The following DGKB variants were observed in gnomAD, a reference collection of about 807,000 sequenced individuals.
DGKB encodes the protein 90 kDa diacylglycerol kinase.
In DGKB, 67 loss-of-function variants were observed where a neutral mutation model predicts 114.3. The ratio of observed to expected loss-of-function variants is 0.59; its 90% CI spans 0.48 to 0.72. The LOEUF is 0.72. Ranked by LOEUF, DGKB falls within the 30% of genes least tolerant of loss-of-function variation. The pLI is 0.00. For synonymous variants in DGKB, 398 were observed against 323.1 expected, an observed-to-expected ratio of 1.23 and a Z score of -2.49; for missense variants, 907 against 975.2, an observed-to-expected ratio of 0.93 and a Z score of 0.93.
At chr7:14,484,334 C>G (rs956901452) in intron 20 of DGKB, among the ~76,000 whole-genome samples, 4 of 150,288 alleles carry the variant, frequency 2.7e-5, no homozygotes, top group African/African-American at 9.8e-5. Context: ...ATGTTTTCCC[C>G]TCTGAACATC....
chr7:14,319,053 T>C (rs918338889), intron 23 of DGKB, among the ~76,000 whole-genome samples: 28 of 148,418 alleles, frequency 1.9e-4, no homozygotes, highest in African/African-American at 7.0e-4. Context: ...AACCAAACAC[T>C]GCATATGCTC....
chr7:14,417,691 T>C (rs1005872103), intron 21 of DGKB, among the ~76,000 whole-genome samples: 1 of 144,478 alleles, frequency 6.9e-6, no homozygotes, highest in African/African-American at 2.4e-5. Context: ...TTGCTTCTGG[T>C]GATTTTTTAC....
At chr7:14,536,893 C>T (rs762454373) in intron 20 of DGKB, among the ~76,000 whole-genome samples, 42 of 151,658 alleles carry the variant, frequency 2.8e-4, no homozygotes, top group Non-Finnish European at 4.6e-4. Flanking sequence ...AAAATAATAT[C>T]TGTTTGCTGG....
At chr7:14,645,080 C>T (rs1308067389) in intron 13 of DGKB, among the ~76,000 whole-genome samples, 3 of 152,108 alleles carry the variant, frequency 2.0e-5, no homozygotes, top group African/African-American at 4.8e-5. Flanking sequence ...CTGAATGATG[C>T]CTTTTAACTA....
chr7:14,223,948 G>A (rs1003115834), intron 23 of DGKB, among the ~76,000 whole-genome samples: 1 of 151,140 alleles, frequency 6.6e-6, no homozygotes, highest in Admixed American at 6.6e-5. Flanking sequence ...TCTTTTTCCA[G>A]GTCCTTTTTT....
intron 20 of DGKB, among the ~76,000 whole-genome samples, chr7:14,526,203 G>A (rs531106231): frequency 6.6e-6 from 1 of 152,020 alleles, no homozygotes; most frequent in South Asian, 2.1e-4. Context: ...TTTAAATCAG[G>A]TTTTTTAAAA....
intron 23 of DGKB, among the ~76,000 whole-genome samples, chr7:14,254,292 A>G (rs1795650985): frequency 6.6e-6 from 1 of 152,182 alleles, no homozygotes; most frequent in African/African-American, 2.4e-5. Context: ...TCCAACCTCA[A>G]TGAAAGTATT....
intron 23 of DGKB, among the ~76,000 whole-genome samples, chr7:14,313,652 T>C (rs1417132911): frequency 2.0e-5 from 3 of 152,060 alleles, no homozygotes; most frequent in African/African-American, 4.8e-5. Flanking sequence ...GTCTCGCTGA[T>C]TGCTAGCACA....
chr7:14,735,162 A>T (rs1293217384), intron 5 of DGKB, among the ~76,000 whole-genome samples: 1 of 152,184 alleles, frequency 6.6e-6, no homozygotes, highest in African/African-American at 2.4e-5. Context: ...GGCCACGGTG[A>T]TGCACCCTCC....
intron 1 of DGKB, among the ~76,000 whole-genome samples, chr7:14,865,401 G>A (rs1486269993): frequency 6.6e-6 from 1 of 152,088 alleles, no homozygotes; most frequent in African/African-American, 2.4e-5. Flanking sequence ...GCTATTTCTG[G>A]CAGTTGGCTG....
At chr7:14,289,403 G>C (rs935908492) in intron 23 of DGKB, among the ~76,000 whole-genome samples, 1 of 151,992 alleles carries the variant, frequency 6.6e-6, no homozygotes, top group Non-Finnish European at 1.5e-5. Flanking sequence ...TATAATATTG[G>C]CAGTTTCTGA....
At chr7:14,595,943 T>C (rs1306939520) in intron 17 of DGKB, among the ~76,000 whole-genome samples, 1 of 152,130 alleles carries the variant, frequency 6.6e-6, no homozygotes, top group Non-Finnish European at 1.5e-5. Context: ...TTTTTGGTCA[T>C]AGCCAAGCTG....
intron 20 of DGKB, among the ~76,000 whole-genome samples, chr7:14,496,546 C>A (rs1431148738): frequency 6.6e-6 from 1 of 151,674 alleles, no homozygotes; most frequent in African/African-American, 2.4e-5. Flanking sequence ...ATTTATTGAG[C>A]ACCTATTGTA....
chr7:14,184,011 C>T (rs1783020650), intron 23 of DGKB, among the ~76,000 whole-genome samples: 1 of 152,214 alleles, frequency 6.6e-6, no homozygotes, highest in African/African-American at 2.4e-5. Context: ...CTCCCCATCA[C>T]ATGCCCCCAC....
intron 23 of DGKB, among the ~76,000 whole-genome samples, chr7:14,244,046 AGAGAGAGG>A (rs1309032259): frequency 7.2e-6 from 1 of 139,348 alleles, no homozygotes; most frequent in Non-Finnish European, 1.6e-5. Context: ...ACAGAGAGAG[AGAGAGAGG>A]GAGAGAGAGA....
intron 23 of DGKB, among the ~76,000 whole-genome samples, chr7:14,298,781 G>A (rs1379590984): frequency 6.6e-6 from 1 of 152,136 alleles, no homozygotes; most frequent in Non-Finnish European, 1.5e-5. Context: ...GAAAACTTTT[G>A]CAATCTATCC....
At chr7:14,368,984 C>T (rs1817170715) in intron 21 of DGKB, among the ~76,000 whole-genome samples, 1 of 152,086 alleles carries the variant, frequency 6.6e-6, no homozygotes, top group Non-Finnish European at 1.5e-5. Context: ...AGGTTTGTTA[C>T]ATAGGTATAC....
intron 23 of DGKB, among the ~76,000 whole-genome samples, chr7:14,268,248 T>C (rs1797800917): frequency 6.6e-6 from 1 of 151,728 alleles, no homozygotes. Flanking sequence ...ACACACTGCC[T>C]CTCTTCAAAT....
At chr7:14,451,733 G>T (rs912148510) in intron 21 of DGKB, among the ~76,000 whole-genome samples, 1 of 152,056 alleles carries the variant, frequency 6.6e-6, no homozygotes, top group Non-Finnish European at 1.5e-5. Flanking sequence ...GAACAACTGG[G>T]TAGTTACATC....
Sources: gnomAD v4.1 joint callset for allele counts (sites outside exome capture counted in the v4.1 genomes callset) on GRCh38, gnomAD v4.1.1 for gene constraint, MANE v1.5 for transcripts, NCBI Gene and HGNC (gene_info 2026-07-23, HGNC 2026-07-21) for gene names.